Variants in SCHIP1 observed in about 807,000 individuals in gnomAD.
SCHIP1 encodes schwannomin-interacting protein 1.
A neutral mutation model predicts 29.7 loss-of-function variants in SCHIP1; 8 were observed. The observed-to-expected ratio is 0.27, with a 90% CI of 0.16 to 0.49. The LOEUF (loss-of-function observed/expected upper bound fraction) is 0.49, where lower values mean the gene tolerates loss of function less well. Ranked by LOEUF, SCHIP1 falls within the 20% of genes least tolerant of loss-of-function variation. The pLI is 0.99. For synonymous variants in SCHIP1, 76 were observed against 94.9 expected (o/e 0.80, Z 1.16); for missense variants, 193 against 294.6 (o/e 0.66, Z 2.52).
the SCHIP1 span, among the ~76,000 whole-genome samples, chr3:159,516,533 A>C: frequency 6.6e-6 from 1 of 151,926 alleles, no homozygotes; most frequent in Non-Finnish European, 1.5e-5. Context: ...CCCTCTAAAA[A>C]CATTTTTCTC....
chr3:159,783,975 C>T, the SCHIP1 span, among the ~76,000 whole-genome samples: 2 of 152,182 alleles, frequency 1.3e-5, no homozygotes, highest in Non-Finnish European at 1.5e-5. Context: ...CACTCCACCC[C>T]GGGGCTTCTT....
At chr3:159,395,547 A>C in the SCHIP1 span, among the ~76,000 whole-genome samples, 1 of 151,760 alleles carries the variant, frequency 6.6e-6, no homozygotes, top group South Asian at 2.1e-4. Flanking sequence ...TTCAAAGAAC[A>C]TCTTTATTTC....
rs555080670 is a variant in SCHIP1 at position 159,867,221 on chromosome 3, T to C, written c.149+940T>C. On this transcript the variant is annotated intron_variant, in intron 2 of 6. Transcript: ENST00000445224. ...AATGTCTGTTTCCTCTCAGTCTTCC[T>C]TTTGGCTAAAAGCAAATATACTCTG... Among the ~76,000 whole-genome samples, 45 of 152,346 alleles carry C rather than the reference T, an allele frequency of 3.0e-4. No individual in the cohort carries two copies. In the South Asian group the frequency reaches 5.8e-3, roughly 20 times the overall value.
the SCHIP1 span, among the ~76,000 whole-genome samples, chr3:159,460,767 TG>T: frequency 6.6e-6 from 1 of 152,070 alleles, no homozygotes; most frequent in African/African-American, 2.4e-5. Context: ...CACTCTATGT[TG>T]GGGGAATTAT....
In SCHIP1 at chr3:159,892,582, A is replaced by G. The variant is rs1031459484; in HGVS notation, c.683+392A>G. The stretch of plus-strand genomic sequence containing the variant: ...TCTCCAAAGCACAAGCTCTTGTATG[A>G]TCCAGTTCTTGATCGCCTCTGCCAT... On this transcript the variant is annotated intron_variant, in intron 6 of 6. Coordinates refer to ENST00000445224, the Ensembl canonical transcript of SCHIP1. 1.2e-5 allele frequency: 4 copies of G among 329,438 alleles called. No individual in the cohort carries two copies. In the Admixed American group the frequency reaches 1.8e-4, roughly 15 times the overall value. 20.4% of individuals were successfully genotyped at this position (329,438 alleles called of 1,614,324 possible). A position where few individuals can be genotyped will look rare whatever the true frequency, so the allele number is the denominator to read the frequency against.
At chr3:159,746,029 TAA>T in the SCHIP1 span, among the ~76,000 whole-genome samples, 1 of 152,104 alleles carries the variant, frequency 6.6e-6, no homozygotes, top group African/African-American at 2.4e-5. Flanking sequence ...ATAGGTGAAA[TAA>T]GATTGCCATG....
chr3:159,604,204 G>T, the SCHIP1 span, among the ~76,000 whole-genome samples: 2 of 152,146 alleles, frequency 1.3e-5, no homozygotes, highest in Admixed American at 1.3e-4. Context: ...TGAGTGAAAC[G>T]TAAGAATAAA....
At chr3:159,648,530 A>G in the SCHIP1 span, among the ~76,000 whole-genome samples, 124 of 152,288 alleles carry the variant, frequency 8.1e-4, no homozygotes, top group African/African-American at 2.8e-3. Context: ...TGTTCAACCA[A>G]TGGTAGCTAA....
the SCHIP1 span, among the ~76,000 whole-genome samples, chr3:159,519,514 A>T: frequency 6.6e-6 from 1 of 152,210 alleles, no homozygotes; most frequent in Non-Finnish European, 1.5e-5. Flanking sequence ...CCCAACAAGA[A>T]CTCATTGTAA....
the SCHIP1 span, among the ~76,000 whole-genome samples, chr3:159,500,509 C>T: frequency 3.9e-5 from 6 of 151,980 alleles, no homozygotes; most frequent in South Asian, 2.1e-4. Context: ...GTCAGGAGAT[C>T]GAGACCATCC....
At chr3:159,299,320 G>A in the SCHIP1 span, among the ~76,000 whole-genome samples, 1 of 152,096 alleles carries the variant, frequency 6.6e-6, no homozygotes, top group African/African-American at 2.4e-5. Flanking sequence ...CTTCAACAGG[G>A]ACTGTTTTAT....
chr3:159,679,167 G>A, the SCHIP1 span, among the ~76,000 whole-genome samples: 1 of 152,078 alleles, frequency 6.6e-6, no homozygotes, highest in Admixed American at 6.6e-5. Flanking sequence ...TCAAGCCCAT[G>A]TGAAGGTGAT....
At chr3:159,354,356 C>T in the SCHIP1 span, among the ~76,000 whole-genome samples, 1 of 152,126 alleles carries the variant, frequency 6.6e-6, no homozygotes, top group Non-Finnish European at 1.5e-5. Context: ...CATCATGATA[C>T]TATATATCTA....
chr3:159,567,197 GTTTC>G, the SCHIP1 span, among the ~76,000 whole-genome samples: 17 of 151,944 alleles, frequency 1.1e-4, no homozygotes, highest in African/African-American at 3.4e-4. Flanking sequence ...CTATTACATT[GTTTC>G]TTTTTTTCCT....
chr3:159,525,994 A>G, the SCHIP1 span, among the ~76,000 whole-genome samples: 4 of 152,232 alleles, frequency 2.6e-5, no homozygotes, highest in Non-Finnish European at 5.9e-5. Context: ...TGTATTTGGA[A>G]TCCTTCACTT....
At chr3:159,468,940 G>C in the SCHIP1 span, among the ~76,000 whole-genome samples, 1 of 151,334 alleles carries the variant, frequency 6.6e-6, no homozygotes, top group Non-Finnish European at 1.5e-5. Context: ...CTAATTTTTT[G>C]TATATTTAGT....
At chr3:159,535,636 A>G in the SCHIP1 span, among the ~76,000 whole-genome samples, 23 of 152,370 alleles carry the variant, frequency 1.5e-4, no homozygotes, top group Non-Finnish European at 2.9e-5. Flanking sequence ...GAGTAAAGAC[A>G]TAGACTAGTT....
At chr3:159,770,150 G>A in the SCHIP1 span, among the ~76,000 whole-genome samples, 1 of 152,226 alleles carries the variant, frequency 6.6e-6, no homozygotes, top group Admixed American at 6.5e-5. Context: ...AACTCTTGCT[G>A]AGTAGTGTTC....
At chr3:159,792,996 T>C in the SCHIP1 span, among the ~76,000 whole-genome samples, 2 of 152,226 alleles carry the variant, frequency 1.3e-5, no homozygotes, top group Non-Finnish European at 2.9e-5. Context: ...TGACTCACAA[T>C]GGTCTTATAA....
Sources: allele counts gnomAD v4.1 joint callset (sites outside exome capture counted in the v4.1 genomes callset), GRCh38; gene constraint gnomAD v4.1.1; transcripts MANE v1.5; gene names NCBI Gene and HGNC (gene_info 2026-07-23, HGNC 2026-07-21).